The following NBEA variants were observed in gnomAD, a reference collection of about 807,000 sequenced individuals.
The protein encoded by NBEA is lysosomal-trafficking regulator 2.
Under a neutral mutation model 343.4 loss-of-function variants are expected in NBEA, and 44 were observed. The ratio of observed to expected loss-of-function variants is 0.13; its 90% confidence interval spans 0.10 to 0.16. The LOEUF is 0.16. Ranked by LOEUF, NBEA falls within the 10% of genes least tolerant of loss-of-function variation. The pLI is 1.00. For missense variants in NBEA, 2,555 were observed against 3,631.3 expected (o/e 0.70, Z 7.62); for synonymous variants, 1,175 against 1,238.7 (o/e 0.95, Z 1.08).
At chr13:35,406,409 G>A (rs578180930) in intron 38 of NBEA, among the ~76,000 whole-genome samples, 6 of 151,674 alleles carry the variant, frequency 4.0e-5, no homozygotes, top group Admixed American at 2.0e-4. Flanking sequence ...ACCCATCACC[G>A]GAGCAGTGTA....
intron 38 of NBEA, among the ~76,000 whole-genome samples, chr13:35,429,623 T>G (rs1212484495): frequency 6.6e-6 from 1 of 152,176 alleles, no homozygotes; most frequent in Non-Finnish European, 1.5e-5. Context: ...CTTCTCTTTT[T>G]TAAAATCTAT....
intron 38 of NBEA, among the ~76,000 whole-genome samples, chr13:35,361,198 T>G (rs751410779): frequency 6.6e-6 from 1 of 151,986 alleles, no homozygotes; most frequent in Non-Finnish European, 1.5e-5. Context: ...AGAAAAATAA[T>G]TGGCAACCCA....
rs746487804 is a variant in NBEA, at chr13:35,110,915, T to A, written c.1939T>A (p.Leu647Ile). ...AACAGTATTACAGCTAATGCACACC[T>A]TAAAATATTACTACTGGGTTATTAA... ...VGTVLQLMHT[L>I]KYYYWVINPA... is the part of the protein sequence containing the mutation. The change falls in exon 13 of 59, where the codon TTA becomes ATA. Residue 647 changes from leucine (L) to isoleucine (I), a missense_variant. Leu to Ile is a conservative substitution (Grantham distance 5). Around this residue, in one of 21 missense-constraint regions of NBEA, gnomAD observed 360 missense variants for 519.1 expected, o/e 0.69. Coordinates refer to ENST00000379939, the MANE Select transcript of NBEA (RefSeq NM_001385012.1). 9.3e-6 allele frequency: 15 copies of A among 1,612,370 alleles called. No individual in the cohort carries two copies. The highest frequency in any genetic ancestry group is 8.5e-7 in the Non-Finnish European group (1 of 1,178,778).
At chr13:35,370,710 A>C (rs998685540) in intron 38 of NBEA, among the ~76,000 whole-genome samples, 1 of 151,964 alleles carries the variant, frequency 6.6e-6, no homozygotes, top group Non-Finnish European at 1.5e-5. Flanking sequence ...TTAGTCTACC[A>C]GTGGATTTTA....
At chr13:35,505,710 T>C (rs1460580402) in intron 41 of NBEA, among the ~76,000 whole-genome samples, 2 of 152,170 alleles carry the variant, frequency 1.3e-5, no homozygotes, top group Non-Finnish European at 2.9e-5. Flanking sequence ...GTTAATGTAG[T>C]AAAATAAATA....
intron 17 of NBEA, among the ~76,000 whole-genome samples, chr13:35,138,765 T>C (rs2067892069): frequency 6.6e-6 from 1 of 152,032 alleles, no homozygotes; most frequent in Non-Finnish European, 1.5e-5. Flanking sequence ...CGGCCAATTA[T>C]GCTCCATTTT....
Position 34,942,766 on chromosome 13 carries a change from C to G in NBEA, c.-55C>G. On this transcript the variant is annotated 5_prime_UTR_variant, in exon 1 of 59. Coordinates refer to ENST00000379939, the MANE Select transcript of NBEA (RefSeq NM_001385012.1). ...GGGGCGGGGGCCGAGGCAGGTATAACGGTACCGGCGGCGGCAGCGCCGCTG... is the reference window on the plus strand; with the variant it reads ...GGGGCGGGGGCCGAGGCAGGTATAAGGGTACCGGCGGCGGCAGCGCCGCTG... The G allele has an allele frequency of 7.8e-7, 1 of 1,288,550 alleles. No individual in the cohort carries two copies. Among genetic ancestry groups the G allele is most frequent in the Non-Finnish European group, 9.9e-7 (1 of 1,014,374 alleles). The allele number at this position is 1,288,550 out of a possible 1,614,324, so 79.8% of individuals were successfully genotyped here.
rs138970979 is a variant in NBEA, at chr13:34,955,709, A to T, written c.294+12595A>T. ...CTTTTTGTAGAAATCATTTTTTTTTAAAATTCTAGTAGTACAGTTGACCAT... is the reference window on the plus strand; with the variant it reads ...CTTTTTGTAGAAATCATTTTTTTTTTAAATTCTAGTAGTACAGTTGACCAT... On this transcript the variant is annotated intron_variant, in intron 1 of 58. Transcript: ENST00000379939. Among the ~76,000 whole-genome samples the T allele has an allele frequency of 5.9e-3, 897 of 152,012 alleles. 8 individuals carry two copies. The highest frequency in any genetic ancestry group is 0.019 in the African/African-American group (805 of 41,478).
At chr13:35,517,321 C>T (rs2077523614) in intron 41 of NBEA, among the ~76,000 whole-genome samples, 1 of 152,186 alleles carries the variant, frequency 6.6e-6, no homozygotes, top group Admixed American at 6.5e-5. Context: ...TTTAAACTTT[C>T]ACTGTGTACA....
chr13:35,048,557 T>C lies in NBEA; in HGVS notation c.724-6T>C, dbSNP rs770495500. ...TACTTTCGTACCTTTTCTCATTGCC[T>C]TGTAGGCAATTGCCTTGCCTCCTAT... On this transcript the variant is annotated splice_region_variant and splice_polypyrimidine_tract_variant and intron_variant, in intron 4 of 58. Transcript: ENST00000379939. 1.9e-6 allele frequency: 3 copies of C among 1,605,676 alleles called. No homozygotes were observed. Among genetic ancestry groups the C allele is most frequent in the African/African-American group, 2.7e-5 (2 of 74,578 alleles).
chr13:35,170,977 A>G, intron 25 of NBEA: 2 of 430,570 alleles, frequency 4.6e-6, no homozygotes, highest in South Asian at 4.2e-5. Flanking sequence ...GGTTCTGTCT[A>G]AATATCTTTG....
chr13:35,597,049 C>G (rs2081838110), intron 47 of NBEA, among the ~76,000 whole-genome samples: 1 of 152,104 alleles, frequency 6.6e-6, no homozygotes, highest in Non-Finnish European at 1.5e-5. Context: ...ACTGAAATGT[C>G]AGATTTGATG....
chr13:35,611,181 T>C (rs1300628620), intron 48 of NBEA, among the ~76,000 whole-genome samples: 1 of 152,200 alleles, frequency 6.6e-6, no homozygotes, highest in Non-Finnish European at 1.5e-5. Flanking sequence ...GCAACCCTGC[T>C]TCTTGGTTTT....
chr13:35,455,865 T>A (rs2152948792), intron 40 of NBEA, among the ~76,000 whole-genome samples: 1 of 152,144 alleles, frequency 6.6e-6, no homozygotes, highest in African/African-American at 2.4e-5. Flanking sequence ...ATACATAGTA[T>A]ATGGTTTGAA....
intron 38 of NBEA, among the ~76,000 whole-genome samples, chr13:35,402,790 T>G (rs1389933712): frequency 2.6e-5 from 4 of 152,088 alleles, no homozygotes; most frequent in African/African-American, 9.7e-5. Context: ...TTGCATTTAA[T>G]TACTGAGATG....
chr13:35,035,760 A>G (rs1372725947), intron 1 of NBEA, among the ~76,000 whole-genome samples: 2 of 152,018 alleles, frequency 1.3e-5, no homozygotes, highest in Admixed American at 1.3e-4. Flanking sequence ...ATCTTTATAT[A>G]GTGACCTTCT....
chr13:35,247,227 CA>C (rs1321845631), intron 34 of NBEA, among the ~76,000 whole-genome samples: 1 of 152,160 alleles, frequency 6.6e-6, no homozygotes, highest in Non-Finnish European at 1.5e-5. Flanking sequence ...GCCCAGAAAG[CA>C]AGCAGGGCTT....
At chr13:35,352,101 C>A (rs2040228274) in intron 37 of NBEA, 56 bp from the exon 38 acceptor site, 1 of 1,082,110 alleles carries the variant, frequency 9.2e-7, no homozygotes, top group Non-Finnish European at 1.2e-6. Flanking sequence ...GTATATCATC[C>A]TTACTTATAT....
chr13:35,644,106 T>G (rs948445250), intron 49 of NBEA, among the ~76,000 whole-genome samples: 1 of 152,180 alleles, frequency 6.6e-6, no homozygotes, highest in African/African-American at 2.4e-5. Flanking sequence ...GACTACCAGA[T>G]AGCTAAAAGG....
Sources: allele counts gnomAD v4.1 joint callset (sites outside exome capture counted in the v4.1 genomes callset), GRCh38; gene constraint gnomAD v4.1.1; regional missense constraint gnomAD v4.1.1; transcripts MANE v1.5; gene names NCBI Gene and HGNC (gene_info 2026-07-23, HGNC 2026-07-21).